The following AGPS variants were observed in gnomAD, a reference collection of about 807,000 sequenced individuals.
The protein encoded by AGPS is alkylglycerone phosphate synthase.
AGPS carries 26 observed loss-of-function variants against 90.7 expected under a neutral mutation model. The ratio of observed to expected loss-of-function variants is 0.29; its 90% CI spans 0.21 to 0.40. The LOEUF (loss-of-function observed/expected upper bound fraction) is 0.40, where lower values mean the gene tolerates loss of function less well. Among genes scored for constraint, AGPS ranks in the 10% least tolerant of loss-of-function variants. The pLI is 1.00. For missense variants in AGPS, 540 were observed against 816.1 expected (o/e 0.66, Z 4.12); for synonymous variants, 294 against 285.3 (o/e 1.03, Z -0.31).
At chr2:177,522,598 C>T (rs556030445) in intron 18 of AGPS, among the ~76,000 whole-genome samples, 9 of 152,198 alleles carry the variant, frequency 5.9e-5, no homozygotes, top group African/African-American at 1.9e-4. Flanking sequence ...TACTTACAGG[C>T]GTGCACCACC....
At chr2:177,527,846 A>T (rs1036135282) in intron 19 of AGPS, among the ~76,000 whole-genome samples, 1 of 152,230 alleles carries the variant, frequency 6.6e-6, no homozygotes, top group Non-Finnish European at 1.5e-5. Flanking sequence ...TCATTTAAAT[A>T]GAAATCTTTT....
chr2:177,458,457 A>G lies in AGPS; in HGVS notation c.871-3436A>G, dbSNP rs562803361. 3.3e-4 allele frequency among the ~76,000 whole-genome samples: 50 copies of G among 152,348 alleles called. 1 individual carries two copies. In the South Asian group the frequency reaches 0.01, roughly 31 times the overall value. On this transcript the variant is annotated intron_variant, in intron 8 of 19. Transcript: ENST00000264167. ...TAGAAAACCCCATCGTCTCAGCCCA[A>G]AATCTCCTTAAGCTGATAAGCAACT... is the stretch of plus-strand genomic sequence containing the variant.
chr2:177,472,576 C>T (rs1234770991), intron 10 of AGPS, among the ~76,000 whole-genome samples: 2 of 151,928 alleles, frequency 1.3e-5, no homozygotes. Context: ...TTTTTATTGG[C>T]GTTTTCTGAC....
chr2:177,445,680 C>A, intron 8 of AGPS, 54 bp downstream of exon 8: 1 of 1,230,288 alleles, frequency 8.1e-7, no homozygotes, highest in Non-Finnish European at 1.1e-6. Context: ...AATATCAATT[C>A]TGATGTTATT....
intron 8 of AGPS, among the ~76,000 whole-genome samples, chr2:177,446,255 G>T (rs1348968286): frequency 6.6e-6 from 1 of 151,982 alleles, no homozygotes. Flanking sequence ...CTGGGTTCAT[G>T]CCATTCTCCT....
intron 13 of AGPS, 68 bp from the exon 14 acceptor site, chr2:177,499,550 A>G (rs1192466254): frequency 1.2e-5 from 13 of 1,086,976 alleles, no homozygotes; most frequent in Non-Finnish European, 1.5e-5. Context: ...AAAGAGCAAA[A>G]TGTATTTTGA....
At chr2:177,456,822 C>T (rs1324903599) in intron 8 of AGPS, among the ~76,000 whole-genome samples, 1 of 152,182 alleles carries the variant, frequency 6.6e-6, no homozygotes, top group Non-Finnish European at 1.5e-5. Flanking sequence ...GACTTGAACT[C>T]AGCTCTGGAC....
chr2:177,519,357 C>T (rs1689114765), intron 17 of AGPS, among the ~76,000 whole-genome samples: 1 of 152,152 alleles, frequency 6.6e-6, no homozygotes, highest in African/African-American at 2.4e-5. Flanking sequence ...TTTTCCCAAT[C>T]CGACCTATCC....
Position 177,513,873 on chromosome 2 carries a change from G to T in AGPS, c.1662G>T (p.Glu554Asp), listed in dbSNP as rs771105736. ...AAAGAATAACAAGGGAATGCAAAGA[G>T]AAGGGTGTTCAGTTTGCTCCTTTTT... ...VKERITRECK[E>D]KGVQFAPFST... is the part of the protein sequence containing the mutation. The change falls in exon 17 of 20, where the codon GAG (glutamate) becomes GAT (aspartate). Residue 554 changes from glutamate (E) to aspartate (D), a missense_variant. Coordinates refer to ENST00000264167, the MANE Select transcript of AGPS (RefSeq NM_003659.4). The T allele has an allele frequency of 2.5e-6, 4 of 1,613,714 alleles. No homozygotes were observed. In the African/African-American group the frequency reaches 5.3e-5, roughly 22 times the overall value.
chr2:177,394,162 A>G (rs535969623), intron 1 of AGPS, among the ~76,000 whole-genome samples: 1 of 152,362 alleles, frequency 6.6e-6, no homozygotes, highest in African/African-American at 2.4e-5. Context: ...TCTTTACAAA[A>G]TACACACTGT....
intron 5 of AGPS, among the ~76,000 whole-genome samples, chr2:177,439,708 C>T (rs1340163939): frequency 1.3e-5 from 2 of 152,124 alleles, no homozygotes; most frequent in African/African-American, 2.4e-5. Context: ...ATTCTTATTT[C>T]CTACTAAGTC....
chr2:177,433,039 G>A (rs1399537972), intron 2 of AGPS, among the ~76,000 whole-genome samples: 1 of 152,150 alleles, frequency 6.6e-6, no homozygotes, highest in Non-Finnish European at 1.5e-5. Context: ...CCTCCCACTA[G>A]GGGATCAAAT....
chr2:177,493,094 C>T, intron 11 of AGPS, 54 bp from the exon 12 acceptor site: 1 of 1,444,500 alleles, frequency 6.9e-7, no homozygotes, highest in Non-Finnish European at 9.7e-7. Flanking sequence ...TTCTACCTGT[C>T]TAGCTTCTTA....
intron 17 of AGPS, among the ~76,000 whole-genome samples, chr2:177,518,413 G>A (rs961282782): frequency 2.6e-5 from 4 of 152,010 alleles, no homozygotes; most frequent in African/African-American, 9.7e-5. Flanking sequence ...TCCAGCCTGG[G>A]CAACAATAGC....
intron 10 of AGPS, among the ~76,000 whole-genome samples, chr2:177,474,263 A>G (rs1319160847): frequency 6.6e-6 from 1 of 152,228 alleles, no homozygotes; most frequent in East Asian, 1.9e-4. Context: ...TAACTGATGC[A>G]GGATTTTTGT....
chr2:177,449,082 C>T (rs1686860983), intron 8 of AGPS, among the ~76,000 whole-genome samples: 2 of 152,170 alleles, frequency 1.3e-5, no homozygotes, highest in Admixed American at 6.5e-5. Context: ...TTTGTTTATA[C>T]ATTCACCTGT....
rs1687963647 is a variant in AGPS, at chr2:177,482,156, A to G, written c.1203A>G (p.Gly401=). 1 of 1,601,508 alleles carries G rather than the reference A, an allele frequency of 6.2e-7. No individual in the cohort carries two copies. The highest frequency in any genetic ancestry group is 8.5e-7 in the Non-Finnish European group (1 of 1,172,190). ...TAGCTTTCCCTAATTTTGAACAAGGAGTAGCCTGTTTAAGAGAAATTGCAA... is the reference window on the plus strand; with the variant it reads ...TAGCTTTCCCTAATTTTGAACAAGGGGTAGCCTGTTTAAGAGAAATTGCAA... ...GSVAFPNFEQ[G]VACLREIAKQ... The change falls in exon 11 of 20, where the codon GGA becomes GGG. Residue 401 remains glycine (G), a synonymous_variant. Coordinates refer to ENST00000264167, the MANE Select transcript of AGPS (RefSeq NM_003659.4).
At chr2:177,506,073 A>G (rs907338155) in intron 15 of AGPS, among the ~76,000 whole-genome samples, 2 of 151,826 alleles carry the variant, frequency 1.3e-5, no homozygotes, top group African/African-American at 4.8e-5. Context: ...CTTACGATAT[A>G]CTGAAATAGT....
At position 177,442,457 on chromosome 2, in the gene AGPS, A is replaced by G. The variant is rs374643265; in HGVS notation, c.760A>G (p.Thr254Ala). Residue 254 changes from threonine (T) to alanine (A), a missense_variant, in exon 7 of 20, where the codon ACA (threonine) becomes GCA (alanine). This residue lies in a region of AGPS where 405 missense variants were observed against 692.1 expected (regional missense o/e 0.59). Coordinates refer to ENST00000264167, the MANE Select transcript of AGPS (RefSeq NM_003659.4). ...GLMCPADETR[T>A]IISLDTSQMN... ...GATGTGTCCTGCAGATGAGACAAGA[A>G]CAATTATTTCTTTGGACACTTCACA... 7 of 1,613,634 alleles carry G rather than the reference A, an allele frequency of 4.3e-6. No individual in the cohort carries two copies. The highest frequency in any genetic ancestry group is 5.9e-6 in the Non-Finnish European group (7 of 1,179,652).
Sources: allele counts gnomAD v4.1 joint callset (sites outside exome capture counted in the v4.1 genomes callset), GRCh38; gene constraint gnomAD v4.1.1; regional missense constraint gnomAD v4.1.1; transcripts MANE v1.5; gene names NCBI Gene and HGNC (gene_info 2026-07-23, HGNC 2026-07-21).